The following FHOD3 variants were observed in gnomAD, a reference collection of about 807,000 sequenced individuals.
The protein encoded by FHOD3 is formin homology 2 domain containing 3.
In FHOD3, 90 loss-of-function variants were observed where a neutral mutation model predicts 173.0. That is an observed-to-expected ratio of 0.52 (90% confidence interval 0.44 to 0.62). FHOD3 has a LOEUF of 0.62. Among genes scored for constraint, FHOD3 ranks in the 20% least tolerant of loss-of-function variants. The pLI is 0.00. For synonymous variants in FHOD3, 828 were observed against 823.0 expected (o/e 1.01, Z -0.10); for missense variants, 1,945 against 2,034.7 (o/e 0.96, Z 0.85).
intron 28 of FHOD3, among the ~76,000 whole-genome samples, chr18:36,776,033 A>C (rs1181010961): frequency 2.0e-5 from 3 of 152,196 alleles, no homozygotes; most frequent in Non-Finnish European, 2.9e-5. Flanking sequence ...CCCAGGTGTC[A>C]TCCGCAGCCA....
chr18:36,580,207 A>T (rs911469068), intron 6 of FHOD3, among the ~76,000 whole-genome samples: 1 of 152,270 alleles, frequency 6.6e-6, no homozygotes, highest in Admixed American at 6.5e-5. Flanking sequence ...GTGCTTCCTC[A>T]GTGGTGGTTC....
intron 3 of FHOD3, among the ~76,000 whole-genome samples, chr18:36,402,924 C>T (rs1393931983): frequency 6.6e-6 from 1 of 152,204 alleles, no homozygotes; most frequent in African/African-American, 2.4e-5. Context: ...TGAGCTGAAG[C>T]TGTGGCCAAC....
intron 26 of FHOD3, among the ~76,000 whole-genome samples, chr18:36,759,944 A>G (rs2042799422): frequency 6.6e-6 from 1 of 152,218 alleles, no homozygotes; most frequent in African/African-American, 2.4e-5. Flanking sequence ...CCTTTTGTTC[A>G]GTTAGAGAAA....
At chr18:36,450,490 T>G (rs2051783983) in intron 3 of FHOD3, among the ~76,000 whole-genome samples, 1 of 151,016 alleles carries the variant, frequency 6.6e-6, no homozygotes, top group Non-Finnish European at 1.5e-5. Context: ...TTTATTTAAT[T>G]TTTAAAGAAA....
intron 5 of FHOD3, among the ~76,000 whole-genome samples, chr18:36,541,249 CAAAAAAAAAAAAAA>C (rs770104487): frequency 2.5e-5 from 1 of 40,358 alleles, no homozygotes; most frequent in Admixed American, 2.5e-4. Flanking sequence ...GACTCTGTCT[CAAAAAAAAAAAAAA>C]AAAAAAAAAG....
chr18:36,329,901 T>C (rs1195319431), intron 1 of FHOD3, among the ~76,000 whole-genome samples: 1 of 152,206 alleles, frequency 6.6e-6, no homozygotes, highest in African/African-American at 2.4e-5. Context: ...CACTTGCATA[T>C]GCTAAATCAA....
intron 3 of FHOD3, among the ~76,000 whole-genome samples, chr18:36,435,568 A>G (rs1192827510): frequency 6.6e-6 from 1 of 152,144 alleles, no homozygotes; most frequent in Non-Finnish European, 1.5e-5. Context: ...GTTTGTGTGG[A>G]AGTGTTGGGT....
rs1401022407 is a variant in FHOD3 at position 36,690,896 on chromosome 18, C to A, written c.2022-2313C>A. On this transcript the variant is annotated intron_variant, in intron 16 of 28. Transcript: ENST00000590592. ...AAACTGAACCTCTTTATCCATGAAG[C>A]AACAACTCACCATCCCTCTACCTCT... Among the ~76,000 whole-genome samples the A allele has an allele frequency of 1.1e-3, 160 of 152,328 alleles. 1 individual carries two copies. The highest frequency in any genetic ancestry group is 2.2e-4 in the Non-Finnish European group (15 of 68,034).
intron 17 of FHOD3, among the ~76,000 whole-genome samples, chr18:36,700,803 T>G (rs2039542229): frequency 6.6e-6 from 1 of 152,114 alleles, no homozygotes; most frequent in African/African-American, 2.4e-5. Flanking sequence ...CCCCAACAAA[T>G]GTTATGCTCC....
intron 5 of FHOD3, among the ~76,000 whole-genome samples, chr18:36,538,684 C>T (rs571411831): frequency 6.6e-6 from 1 of 152,206 alleles, no homozygotes; most frequent in South Asian, 2.1e-4. Flanking sequence ...ATCTCCAAGG[C>T]ATTATGCTAT....
chr18:36,367,366 G>A (rs1017156330), intron 2 of FHOD3, among the ~76,000 whole-genome samples: 1 of 152,186 alleles, frequency 6.6e-6, no homozygotes, highest in African/African-American at 2.4e-5. Flanking sequence ...CCAAAGAGTG[G>A]CTGTTCAGAA....
intron 5 of FHOD3, among the ~76,000 whole-genome samples, chr18:36,544,109 G>A (rs2057327400): frequency 6.6e-6 from 1 of 152,196 alleles, no homozygotes; most frequent in Non-Finnish European, 1.5e-5. Flanking sequence ...CCCTGGAGAG[G>A]TGGCTGAGTG....
At chr18:36,759,889 C>G (rs901668905) in intron 26 of FHOD3, among the ~76,000 whole-genome samples, 9 of 152,174 alleles carry the variant, frequency 5.9e-5, no homozygotes, top group African/African-American at 1.9e-4. Flanking sequence ...GCATTGTGTA[C>G]GTATGGTATT....
chr18:36,356,672 G>C (rs947086968), intron 2 of FHOD3, among the ~76,000 whole-genome samples: 7 of 152,086 alleles, frequency 4.6e-5, no homozygotes, highest in African/African-American at 1.7e-4. Context: ...ATCTCGCTCT[G>C]TCACCCAGGC....
At chr18:36,754,978 T>TATTATTATA (rs1225575425) in intron 24 of FHOD3, 141 bp from the exon 25 acceptor site, 13 of 126,104 alleles carry the variant, frequency 1.0e-4, no homozygotes, top group East Asian at 3.5e-4. Flanking sequence ...TTGGTTTCTT[T>TATTATTATA]ATTATTATTA....
chr18:36,397,022 T>G (rs1454547847), intron 3 of FHOD3, among the ~76,000 whole-genome samples: 1 of 152,212 alleles, frequency 6.6e-6, no homozygotes, highest in Non-Finnish European at 1.5e-5. Flanking sequence ...CTCCACTATT[T>G]CTGAGTTTTA....
At chr18:36,525,048 G>C (rs1213806694) in intron 5 of FHOD3, among the ~76,000 whole-genome samples, 1 of 152,208 alleles carries the variant, frequency 6.6e-6, no homozygotes, top group Non-Finnish European at 1.5e-5. Flanking sequence ...TGGCCCAGAA[G>C]ATTCTTTCCC....
At chr18:36,372,166 C>T (rs968269794) in intron 2 of FHOD3, among the ~76,000 whole-genome samples, 1 of 152,156 alleles carries the variant, frequency 6.6e-6, no homozygotes, top group African/African-American at 2.4e-5. Context: ...TGTAAGCCTT[C>T]TTTTGTAGAT....
chr18:36,413,675 A>G (rs990494864), intron 3 of FHOD3, among the ~76,000 whole-genome samples: 1 of 152,216 alleles, frequency 6.6e-6, no homozygotes, highest in African/African-American at 2.4e-5. Context: ...AGAGTTACCA[A>G]AAGACCTATG....
Sources: allele counts gnomAD v4.1 joint callset (sites outside exome capture counted in the v4.1 genomes callset), GRCh38; gene constraint gnomAD v4.1.1; transcripts MANE v1.5; gene names NCBI Gene and HGNC (gene_info 2026-07-23, HGNC 2026-07-21).